DUSP16: variants seen among roughly 807,000 people sequenced by gnomAD.
DUSP16 encodes the protein dual specificity phosphatase 16, also known as dual specificity protein phosphatase 16.
Under a neutral mutation model 58.3 loss-of-function variants are expected in DUSP16, and 21 were observed. The observed-to-expected ratio is 0.36, with a 90% CI of 0.26 to 0.52. The LOEUF (loss-of-function observed/expected upper bound fraction) is 0.52. Among genes scored for constraint, DUSP16 ranks in the 20% least tolerant of loss-of-function variants. The pLI is 0.94. For synonymous variants in DUSP16, 320 were observed against 323.8 expected (o/e 0.99, Z 0.12); for missense variants, 726 against 819.0 (o/e 0.89, Z 1.39).
chr12:12,558,444 C>G (rs888965804), intron 1 of DUSP16, among the ~76,000 whole-genome samples: 1 of 151,666 alleles, frequency 6.6e-6, no homozygotes, highest in African/African-American at 2.4e-5. Flanking sequence ...CGCAGCAGTG[C>G]CATCATAGCT....
At chr12:12,498,577 GCT>G (rs1943865467) in intron 4 of DUSP16, among the ~76,000 whole-genome samples, 1 of 151,986 alleles carries the variant, frequency 6.6e-6, no homozygotes, top group Admixed American at 6.6e-5. Context: ...ACAAAGCCCG[GCT>G]AATTTTTGTA....
At chr12:12,532,935 C>T (rs1448638524) in intron 1 of DUSP16, among the ~76,000 whole-genome samples, 3 of 133,072 alleles carry the variant, frequency 2.3e-5, no homozygotes, top group Non-Finnish European at 1.5e-5. Context: ...GGGACGAGAG[C>T]GAAACTCTGT....
chr12:12,501,326 G>A (rs1197103423), intron 3 of DUSP16, among the ~76,000 whole-genome samples: 1 of 152,192 alleles, frequency 6.6e-6, no homozygotes, highest in Non-Finnish European at 1.5e-5. Flanking sequence ...AGTGCTGACA[G>A]ACTAATTGCT....
intron 3 of DUSP16, among the ~76,000 whole-genome samples, chr12:12,510,680 T>C (rs757917783): frequency 6.6e-6 from 1 of 152,248 alleles, no homozygotes; most frequent in Non-Finnish European, 1.5e-5. Context: ...TTGACAGTTT[T>C]ATGGGATAAA....
At chr12:12,533,104 AC>A (rs1170067676) in intron 1 of DUSP16, among the ~76,000 whole-genome samples, 1 of 152,216 alleles carries the variant, frequency 6.6e-6, no homozygotes, top group African/African-American at 2.4e-5. Flanking sequence ...ATTTTAAATC[AC>A]ATGTTTATGA....
At position 12,475,062 on chromosome 12, in the gene DUSP16, G is replaced by T. The variant is rs1188200611; in HGVS notation, c.*1771C>A. The T allele has an allele frequency of 1.3e-5, 2 of 152,162 alleles. No individual in the cohort carries two copies. Among genetic ancestry groups the T allele is most frequent in the African/African-American group, 4.8e-5 (2 of 41,422 alleles). The allele number at this position is 152,162 out of a possible 1,614,324, so 9.4% of individuals were successfully genotyped here. ...CATCCCCATAACCAAGTCGGTCTGT[G>T]TTGAGTCATATCATTCTGTGCTGGT... On this transcript the variant is annotated 3_prime_UTR_variant, in exon 7 of 7. Transcript: ENST00000298573.
chr12:12,523,473 T>A (rs16908214), intron 1 of DUSP16, among the ~76,000 whole-genome samples: 9,809 of 152,150 alleles, frequency 0.064, 466 homozygotes, highest in East Asian at 0.21. Context: ...ACACAGGGAG[T>A]TAGAAGGCAC....
At chr12:12,492,975 C>T (rs192281205) in intron 4 of DUSP16, among the ~76,000 whole-genome samples, 36 of 152,300 alleles carry the variant, frequency 2.4e-4, no homozygotes, top group Non-Finnish European at 4.4e-4. Context: ...CCCAGACTTT[C>T]AGGGTGGGAG....
At chr12:12,487,599 A>G (rs1469860749) in intron 4 of DUSP16, among the ~76,000 whole-genome samples, 1 of 152,132 alleles carries the variant, frequency 6.6e-6, no homozygotes, top group Non-Finnish European at 1.5e-5. Flanking sequence ...CTCACTCTAA[A>G]TACTCTCTTT....
chr12:12,549,368 C>T (rs535124650), intron 1 of DUSP16, among the ~76,000 whole-genome samples: 1 of 152,196 alleles, frequency 6.6e-6, no homozygotes, highest in African/African-American at 2.4e-5. Flanking sequence ...TTGCACCCAC[C>T]CCCGCACTTC....
intron 1 of DUSP16, among the ~76,000 whole-genome samples, chr12:12,523,895 A>G (rs75788975): frequency 0.011 from 1,706 of 152,272 alleles, 36 homozygotes; most frequent in African/African-American, 0.038. Flanking sequence ...CCATGAGGGT[A>G]CCCAGGTGGC....
At chr12:12,481,592 T>C (rs1186150490) in intron 5 of DUSP16, among the ~76,000 whole-genome samples, 2 of 152,226 alleles carry the variant, frequency 1.3e-5, no homozygotes, top group Non-Finnish European at 2.9e-5. Flanking sequence ...GTAATGATTA[T>C]TATATATAAC....
intron 1 of DUSP16, among the ~76,000 whole-genome samples, chr12:12,543,644 A>G (rs750835214): frequency 6.6e-6 from 1 of 152,094 alleles, no homozygotes; most frequent in African/African-American, 2.4e-5. Flanking sequence ...ATATATTATT[A>G]TATCAATGTA....
intron 1 of DUSP16, among the ~76,000 whole-genome samples, chr12:12,550,462 A>G (rs1290899235): frequency 1.3e-5 from 2 of 152,188 alleles, no homozygotes. Context: ...TCATGAGTGT[A>G]CAACAGTGGG....
Position 12,477,315 on chromosome 12 carries a change from T to G in DUSP16, c.1516A>C (p.Ser506Arg). ...TGGTAATTGTCCTCCACGCTCCCAC[T>G]TCGATGCAGTGGAGATAAAAGGGAC... is the stretch of plus-strand genomic sequence containing the variant. ...QRSLLSPLHR[S>R]GSVEDNYHTS... is the part of the protein sequence containing the mutation. Residue 506 changes from serine (S) to arginine (R), a missense_variant, in exon 7 of 7, where the codon AGT becomes CGT. Ser to Arg is a moderately radical substitution (Grantham distance 110). Coordinates refer to ENST00000298573, the MANE Select transcript of DUSP16 (RefSeq NM_030640.3). This position sits in a 1 kb window ranked among gnomAD's most constrained non-coding sequence, Gnocchi z 4.1. 6.2e-7 allele frequency: 1 copy of G among 1,614,220 alleles called. No individual in the cohort carries two copies. The highest frequency in any genetic ancestry group is 8.5e-7 in the Non-Finnish European group (1 of 1,180,040).
chr12:12,546,888 T>C (rs1944648637), intron 1 of DUSP16, among the ~76,000 whole-genome samples: 1 of 152,236 alleles, frequency 6.6e-6, no homozygotes, highest in South Asian at 2.1e-4. Context: ...ACACAAAAAA[T>C]TAAAAACATC....
chr12:12,484,993 G>C (rs2136194829), intron 5 of DUSP16, among the ~76,000 whole-genome samples: 1 of 150,270 alleles, frequency 6.7e-6, no homozygotes, highest in South Asian at 2.1e-4. Flanking sequence ...GTGTTAACTT[G>C]TGGGGGTTTG....
intron 1 of DUSP16, among the ~76,000 whole-genome samples, chr12:12,542,186 G>T (rs1172449174): frequency 6.6e-6 from 1 of 152,000 alleles, no homozygotes; most frequent in South Asian, 2.1e-4. Flanking sequence ...GTACTAGCCT[G>T]ACCATGGAGA....
intron 3 of DUSP16, among the ~76,000 whole-genome samples, chr12:12,516,979 C>T (rs1462595615): frequency 6.6e-6 from 1 of 152,210 alleles, no homozygotes; most frequent in Admixed American, 6.5e-5. Flanking sequence ...CTTCATTTTT[C>T]ATGACCATGT....
Sources: gnomAD v4.1 joint callset for allele counts (sites outside exome capture counted in the v4.1 genomes callset) on GRCh38, gnomAD v4.1.1 for gene constraint, Gnocchi (gnomAD v3.1) non-coding constraint, MANE v1.5 for transcripts, NCBI Gene and HGNC (gene_info 2026-07-23, HGNC 2026-07-21) for gene names.